LRP11: variants seen among roughly 807,000 people sequenced by gnomAD.
LRP11 encodes LDL receptor related protein 11.
LRP11 carries 25 observed loss-of-function variants against 43.1 expected under a neutral mutation model. The ratio of observed to expected loss-of-function variants is 0.58; its 90% confidence interval spans 0.42 to 0.81. The LOEUF (loss-of-function observed/expected upper bound fraction) is 0.81. LRP11 is among the 30% of genes least tolerant of loss of function. The pLI, the probability that LRP11 is intolerant of heterozygous loss-of-function variation, is 0.00. For missense variants in LRP11, 623 were observed against 665.1 expected, an observed-to-expected ratio of 0.94 and a Z score of 0.70; for synonymous variants, 316 against 299.4, an observed-to-expected ratio of 1.06 and a Z score of -0.57.
At chr6:149,829,563 A>T (rs978815399) in intron 5 of LRP11, among the ~76,000 whole-genome samples, 1 of 151,874 alleles carries the variant, frequency 6.6e-6, no homozygotes, top group African/African-American at 2.4e-5. Flanking sequence ...TCCATCTAAA[A>T]AAATAAATAA....
At chr6:149,856,665 A>G (rs1041128030) in intron 1 of LRP11, among the ~76,000 whole-genome samples, 7 of 152,246 alleles carry the variant, frequency 4.6e-5, no homozygotes, top group Non-Finnish European at 7.3e-5. Flanking sequence ...ACACTTAGTA[A>G]GACCTACAGA....
chr6:149,826,896 C>T (rs1776347560), intron 5 of LRP11, among the ~76,000 whole-genome samples: 1 of 151,858 alleles, frequency 6.6e-6, no homozygotes, highest in Non-Finnish European at 1.5e-5. Context: ...TTGGTAGAGA[C>T]CAGTACTTCT....
At chr6:149,850,981 G>A (rs532974401) in intron 2 of LRP11, among the ~76,000 whole-genome samples, 155 of 152,320 alleles carry the variant, frequency 1.0e-3, no homozygotes, top group African/African-American at 2.9e-3. Flanking sequence ...TGCTCAATCC[G>A]TGGGGGCTTT....
At chr6:149,854,008 T>C (rs914568394) in intron 1 of LRP11, among the ~76,000 whole-genome samples, 8 of 152,226 alleles carry the variant, frequency 5.3e-5, no homozygotes, top group Non-Finnish European at 1.0e-4. Flanking sequence ...TTCTCTGGAA[T>C]CCAATTTTTC....
At chr6:149,858,149 C>A (rs778015948) in intron 1 of LRP11, among the ~76,000 whole-genome samples, 9 of 152,130 alleles carry the variant, frequency 5.9e-5, no homozygotes, top group Admixed American at 2.0e-4. Flanking sequence ...TTTGCTGCCC[C>A]CTTCAACTCG....
chr6:149,820,848 A>T (rs1776269462), intron 6 of LRP11, 145 bp from the exon 7 acceptor site: 3 of 556,220 alleles, frequency 5.4e-6, no homozygotes, highest in Non-Finnish European at 9.6e-6. Flanking sequence ...TTTGCAGATT[A>T]ACTAAGGTGT....
intron 1 of LRP11, 174 bp from the exon 2 acceptor site, chr6:149,853,334 T>C (rs567909676): frequency 4.2e-4 from 246 of 588,904 alleles, no homozygotes; most frequent in Non-Finnish European, 5.9e-4. Flanking sequence ...AGCTATAATA[T>C]GCGCAGAAGA....
chr6:149,833,946 G>A (rs769181689), intron 5 of LRP11, among the ~76,000 whole-genome samples: 60 of 152,202 alleles, frequency 3.9e-4, no homozygotes, highest in Admixed American at 1.9e-3. Context: ...TGTCATGGTG[G>A]TTTGCTGCAC....
At chr6:149,832,478 G>A (rs974482301) in intron 5 of LRP11, among the ~76,000 whole-genome samples, 5 of 152,136 alleles carry the variant, frequency 3.3e-5, no homozygotes, top group East Asian at 3.9e-4. Flanking sequence ...ATGAGCCACC[G>A]CGCCCAGCCG....
chr6:149,859,381 T>TAC (rs1776851320), intron 1 of LRP11, among the ~76,000 whole-genome samples: 4 of 79,608 alleles, frequency 5.0e-5, no homozygotes, highest in Non-Finnish European at 6.7e-5. Flanking sequence ...CTGACTCATA[T>TAC]ATATATATAT....
chr6:149,862,550 C>T (rs375619712), intron 1 of LRP11, among the ~76,000 whole-genome samples: 1 of 149,602 alleles, frequency 6.7e-6, no homozygotes, highest in African/African-American at 2.5e-5. Flanking sequence ...TTAAGAAACA[C>T]GCTTTAAAGT....
chr6:149,836,183 GCTTT>G lies in LRP11; in HGVS notation c.1150_1153del (p.Lys384ProfsTer31). On this transcript the variant is annotated frameshift_variant, in exon 5 of 7. Coordinates refer to ENST00000239367, the MANE Select transcript of LRP11 (RefSeq NM_032832.6). ...TGCAGGTGGCTTGTTTGGGGCAGTG[GCTTT>G]CTGAGACTTTTCCACCAAGGAGTCA... 2 of 1,614,070 alleles carry G rather than the reference GCTTT, an allele frequency of 1.2e-6. No individual in the cohort carries two copies. Among genetic ancestry groups the G allele is most frequent in the Non-Finnish European group, 1.7e-6 (2 of 1,180,016 alleles).
intron 1 of LRP11, 170 bp from the exon 2 acceptor site, chr6:149,853,330 A>G: frequency 1.6e-6 from 1 of 611,400 alleles, no homozygotes; most frequent in South Asian, 3.0e-5. Flanking sequence ...ATTTAGCTAT[A>G]ATATGCGCAG....
intron 2 of LRP11, among the ~76,000 whole-genome samples, chr6:149,849,402 T>G (rs1228892569): frequency 2.0e-5 from 3 of 152,238 alleles, no homozygotes; most frequent in Admixed American, 2.0e-4. Flanking sequence ...ATAAAATATA[T>G]AACTTTAAAT....
chr6:149,863,459 G>T lies in LRP11; in HGVS notation c.562C>A (p.Arg188Ser). 1 of 1,332,614 alleles carries T rather than the reference G, an allele frequency of 7.5e-7. No homozygotes were observed. The highest frequency in any genetic ancestry group is 2.1e-5 in the South Asian group (1 of 48,146). The allele number at this position is 1,332,614 out of a possible 1,614,324, so 82.5% of individuals were successfully genotyped here. The change falls in exon 1 of 7, where the codon CGC (arginine) becomes AGC (serine). Residue 188 changes from arginine (R) to serine (S), a missense_variant. Coordinates refer to ENST00000239367, the MANE Select transcript of LRP11 (RefSeq NM_032832.6). ...HSGYSSYSLS[R>S]APDGAALATA... The stretch of plus-strand genomic sequence containing the variant: ...GCCAGGGCGGCGCCGTCCGGCGCGC[G>T]GCTGAGGCTGTAGCTGCTGTAGCCG...
intron 4 of LRP11, among the ~76,000 whole-genome samples, 158 bp from the exon 5 acceptor site, chr6:149,836,455 G>A (rs143908127): frequency 1.2e-4 from 19 of 152,264 alleles, no homozygotes; most frequent in South Asian, 6.2e-4. Flanking sequence ...CTATTCTCAC[G>A]TTTTCAAATG....
intron 3 of LRP11, among the ~76,000 whole-genome samples, chr6:149,838,068 C>A (rs1776496588): frequency 6.6e-6 from 1 of 152,020 alleles, no homozygotes; most frequent in African/African-American, 2.4e-5. Flanking sequence ...CAGACATGCA[C>A]CACCACACCC....
intron 1 of LRP11, 74 bp downstream of exon 1, chr6:149,863,334 C>T: frequency 7.7e-7 from 1 of 1,292,670 alleles, no homozygotes; most frequent in Admixed American, 3.1e-5. Context: ...GAGTGTGTTT[C>T]GCTTCCAACT....
At chr6:149,862,983 G>A (rs1399773478) in intron 1 of LRP11, among the ~76,000 whole-genome samples, 2 of 152,168 alleles carry the variant, frequency 1.3e-5, no homozygotes, top group African/African-American at 2.4e-5. Flanking sequence ...AGCCACCGCA[G>A]GCAAAGTCAG....
Sources: gnomAD v4.1 joint callset for allele counts (sites outside exome capture counted in the v4.1 genomes callset) on GRCh38, gnomAD v4.1.1 for gene constraint, MANE v1.5 for transcripts, NCBI Gene and HGNC (gene_info 2026-07-23, HGNC 2026-07-21) for gene names.